The following FANCB variants were observed in gnomAD, a reference collection of about 807,000 sequenced individuals.
FANCB encodes Fanconi anemia group B protein.
FANCB carries 5 observed loss-of-function variants against 38.9 expected under a neutral mutation model. The observed-to-expected ratio is 0.13, with a 90% confidence interval of 0.07 to 0.27. FANCB has a LOEUF of 0.27. FANCB is among the 10% of genes least tolerant of loss of function. The probability of loss-of-function intolerance (pLI) is 1.00; values close to 1 mark genes in which losing one functional copy is unlikely to be tolerated. For synonymous variants in FANCB, 236 were observed against 215.4 expected, an observed-to-expected ratio of 1.10 and a Z score of -0.84; for missense variants, 573 against 602.7, an observed-to-expected ratio of 0.95 and a Z score of 0.52.
chrX:14,850,948 G>A (rs772877918), intron 6 of FANCB, among the ~76,000 whole-genome samples: 4 of 110,498 alleles, frequency 3.6e-5, no homozygotes, highest in South Asian at 3.8e-4. Context: ...GGTAAACCTG[G>A]AGTCCATTTT....
chrX:14,725,817 A>C, the FANCB span, among the ~76,000 whole-genome samples: 1 of 112,392 alleles, frequency 8.9e-6, no homozygotes, highest in Non-Finnish European at 1.9e-5. Context: ...AATTTCAAGC[A>C]AATTGCACAG....
intron 2 of FANCB, among the ~76,000 whole-genome samples, chrX:14,866,770 C>T (rs939828146): frequency 9.0e-6 from 1 of 111,670 alleles, no homozygotes; most frequent in African/African-American, 3.3e-5. Flanking sequence ...TAAAAGACAT[C>T]CAAATTGGAA....
downstream of FANCB, chrX:14,835,821 G>C (rs768262680): frequency 2.7e-5 from 3 of 112,838 alleles, no homozygotes; most frequent in African/African-American, 9.7e-5. Flanking sequence ...TACACTGTTG[G>C]TGGGAATGTA....
chrX:14,749,831 A>G, the FANCB span, among the ~76,000 whole-genome samples: 1 of 112,086 alleles, frequency 8.9e-6, no homozygotes, highest in Non-Finnish European at 1.9e-5. Flanking sequence ...AATAAAGATA[A>G]TAATAGCTGC....
At chrX:14,871,521 TA>T (rs983675237) in intron 1 of FANCB, among the ~76,000 whole-genome samples, 6 of 110,888 alleles carry the variant, frequency 5.4e-5, no homozygotes, top group Non-Finnish European at 9.4e-5. Flanking sequence ...ATTTGCAATA[TA>T]AAAAAAGTAA....
At chrX:14,730,891 TACACACACACACACACAC>T in the FANCB span, 4,739 of 97,715 alleles carry the variant, frequency 0.048, 141 homozygotes, top group Non-Finnish European at 0.06. Flanking sequence ...AAGTTAGCTA[TACACACACACACACACAC>T]ACACACACAC....
chrX:14,864,430 T>A, intron 3 of FANCB, 130 bp downstream of exon 3: 2 of 499,848 alleles, frequency 4.0e-6, no homozygotes, highest in Non-Finnish European at 7.0e-6. Flanking sequence ...CAATGTAATA[T>A]TTATCATTTC....
chrX:14,847,849 G>A (rs760591128), intron 7 of FANCB, among the ~76,000 whole-genome samples: 4 of 110,624 alleles, frequency 3.6e-5, no homozygotes, highest in Non-Finnish European at 5.7e-5. Flanking sequence ...GCAAGATCAA[G>A]GAAAAAGAAG....
the FANCB span, among the ~76,000 whole-genome samples, chrX:14,718,110 T>C: frequency 9.0e-6 from 1 of 111,124 alleles, no homozygotes; most frequent in Non-Finnish European, 1.9e-5. Flanking sequence ...TCTTCAGGGA[T>C]ATGATTGATT....
chrX:14,759,225 T>C, the FANCB span, among the ~76,000 whole-genome samples: 236 of 111,821 alleles, frequency 2.1e-3, 1 homozygote, highest in African/African-American at 7.5e-3. Context: ...AGGATTATGT[T>C]AAATGACCAA....
At chrX:14,759,057 T>C in the FANCB span, among the ~76,000 whole-genome samples, 1 of 111,068 alleles carries the variant, frequency 9.0e-6, no homozygotes, top group African/African-American at 3.3e-5. Flanking sequence ...AGAACACACT[T>C]AGAGAAATGC....
the FANCB span, among the ~76,000 whole-genome samples, chrX:14,777,768 C>T: frequency 8.9e-6 from 1 of 112,467 alleles, no homozygotes; most frequent in Non-Finnish European, 1.9e-5. Flanking sequence ...ATTCATTCTA[C>T]TCCTCCTGTC....
chrX:14,717,883 T>G, the FANCB span, among the ~76,000 whole-genome samples: 1 of 111,109 alleles, frequency 9.0e-6, no homozygotes, highest in African/African-American at 3.3e-5. Context: ...CAGATACTTA[T>G]TTTGAAAGGA....
the FANCB span, among the ~76,000 whole-genome samples, chrX:14,721,660 T>C: frequency 9.0e-6 from 1 of 111,468 alleles, no homozygotes. Flanking sequence ...CCACCCTGTA[T>C]ATGATTTTTT....
At position 14,862,977 on chromosome X, in the gene FANCB, A is replaced by G. The variant is rs184544213; in HGVS notation, c.951+1583T>C. Among the ~76,000 whole-genome samples the G allele has an allele frequency of 1.8e-4, 20 of 112,630 alleles. No individual in the cohort carries two copies. The East Asian group carries it at 2.8e-3, about 16-fold the overall frequency. On this transcript the variant is annotated intron_variant, in intron 3 of 9. Transcript: ENST00000650831. ...AAAGAGAATGGAAAAAGACAATTCC[A>G]AATAACTTTCAAATAAATGTATAAT...
chrX:14,730,630 C>T, the FANCB span: 15 of 438,723 alleles, frequency 3.4e-5, no homozygotes, highest in Non-Finnish European at 5.1e-5. Flanking sequence ...CTGGCACCTA[C>T]ATGAAAAAAA....
the FANCB span, among the ~76,000 whole-genome samples, chrX:14,711,939 G>T: frequency 8.9e-6 from 1 of 112,653 alleles, no homozygotes; most frequent in Non-Finnish European, 1.9e-5. Context: ...CTATGAGTGA[G>T]TTTCTGTCCT....
the FANCB span, among the ~76,000 whole-genome samples, chrX:14,806,070 G>C: frequency 8.9e-6 from 1 of 112,275 alleles, no homozygotes; most frequent in Admixed American, 9.5e-5. Context: ...ATGAGTTAAA[G>C]ACTGGGTTAG....
the FANCB span, among the ~76,000 whole-genome samples, chrX:14,762,177 T>C: frequency 1.8e-5 from 2 of 111,286 alleles, no homozygotes; most frequent in East Asian, 5.7e-4. Flanking sequence ...GGAAGAATGC[T>C]ATGTCGTCAC....
Sources: gnomAD v4.1 joint callset for allele counts (sites outside exome capture counted in the v4.1 genomes callset) on GRCh38, gnomAD v4.1.1 for gene constraint, MANE v1.5 for transcripts, NCBI Gene and HGNC (gene_info 2026-07-23, HGNC 2026-07-21) for gene names.